CALD1: variants seen among roughly 807,000 people sequenced by gnomAD.
The protein encoded by CALD1 is caldesmon.
CALD1 carries 33 observed loss-of-function variants against 99.9 expected under a neutral mutation model. That is an observed-to-expected ratio of 0.33 (90% confidence interval 0.25 to 0.44). CALD1 has a LOEUF of 0.44. CALD1 is among the 20% of genes least tolerant of loss of function. CALD1 has a pLI of 1.00. For missense variants in CALD1, 861 were observed against 962.1 expected, an observed-to-expected ratio of 0.89 and a Z score of 1.39; for synonymous variants, 310 against 325.0, an observed-to-expected ratio of 0.95 and a Z score of 0.50.
intron 11 of CALD1, among the ~76,000 whole-genome samples, chr7:134,958,598 G>A (rs752016675): frequency 1.6e-4 from 25 of 151,560 alleles, no homozygotes; most frequent in Non-Finnish European, 3.1e-4. Flanking sequence ...TAGAGACGGA[G>A]TTTCACCCTG....
intron 3 of CALD1, among the ~76,000 whole-genome samples, chr7:134,910,583 C>T (rs1803731469): frequency 6.6e-6 from 1 of 152,026 alleles, no homozygotes; most frequent in African/African-American, 2.4e-5. Flanking sequence ...TATAGAACTG[C>T]TCTATTCATG....
intron 1 of CALD1, among the ~76,000 whole-genome samples, chr7:134,805,199 A>G (rs1333426197): frequency 2.0e-5 from 3 of 152,104 alleles, no homozygotes; most frequent in African/African-American, 7.2e-5. Context: ...TTTTGGTGAT[A>G]ATTTCCTTCT....
At chr7:134,909,924 T>C (rs980443367) in intron 3 of CALD1, among the ~76,000 whole-genome samples, 2 of 152,136 alleles carry the variant, frequency 1.3e-5, no homozygotes, top group African/African-American at 2.4e-5. Context: ...GTCAACAGTG[T>C]CAGAGCTCTC....
intron 3 of CALD1, among the ~76,000 whole-genome samples, chr7:134,874,323 G>C (rs58715694): frequency 0.25 from 37,382 of 151,874 alleles, 6,034 homozygotes; most frequent in East Asian, 0.64. Context: ...CTCTCGAGTA[G>C]GCACACGCCA....
At chr7:134,852,259 G>A (rs1406591184) in intron 2 of CALD1, among the ~76,000 whole-genome samples, 3 of 151,634 alleles carry the variant, frequency 2.0e-5, no homozygotes, top group African/African-American at 4.8e-5. Context: ...GGCACTTCAG[G>A]TTATGGGCAG....
At chr7:134,777,749 A>G (rs542012282), upstream of CALD1, among the ~76,000 whole-genome samples, 1 of 152,250 alleles carries the variant, frequency 6.6e-6, no homozygotes, top group South Asian at 2.1e-4. Context: ...CACAGACATC[A>G]CCAATTGCAG....
At chr7:134,901,120 G>T (rs1802962595) in intron 3 of CALD1, among the ~76,000 whole-genome samples, 2 of 151,764 alleles carry the variant, frequency 1.3e-5, no homozygotes, top group South Asian at 4.2e-4. Flanking sequence ...TTTTCCTGGT[G>T]GGCCTAAGCC....
At chr7:134,847,336 T>C (rs1441911031) in intron 2 of CALD1, among the ~76,000 whole-genome samples, 1 of 152,162 alleles carries the variant, frequency 6.6e-6, no homozygotes, top group Non-Finnish European at 1.5e-5. Context: ...CTTTTTATAG[T>C]AGGATCTGAA....
intron 11 of CALD1, among the ~76,000 whole-genome samples, chr7:134,958,895 A>T (rs372784412): frequency 7.1e-6 from 1 of 140,036 alleles, no homozygotes; most frequent in Non-Finnish European, 1.5e-5. Flanking sequence ...ATATATATAT[A>T]TATATATATA....
At chr7:134,929,623 T>TATACACACAC (rs1805355587) in intron 4 of CALD1, among the ~76,000 whole-genome samples, 1 of 894 alleles carries the variant, frequency 1.1e-3, no homozygotes. Context: ...TATATATACG[T>TATACACACAC]GTGTGTGTGT....
intron 1 of CALD1, among the ~76,000 whole-genome samples, chr7:134,842,208 C>T (rs972051874): frequency 1.3e-5 from 2 of 152,212 alleles, no homozygotes; most frequent in Admixed American, 1.3e-4. Flanking sequence ...ACCAAATACA[C>T]CCAGCATGGT....
At chr7:134,869,097 C>A (rs1228628297) in intron 3 of CALD1, among the ~76,000 whole-genome samples, 1 of 151,766 alleles carries the variant, frequency 6.6e-6, no homozygotes, top group African/African-American at 2.4e-5. Flanking sequence ...ACAATCATGC[C>A]AAGAGAAGGA....
At chr7:134,964,881 A>C (rs1230148965) in intron 13 of CALD1, among the ~76,000 whole-genome samples, 1 of 152,214 alleles carries the variant, frequency 6.6e-6, no homozygotes, top group East Asian at 1.9e-4. Flanking sequence ...CTATAGTTCC[A>C]GCCCATTCTC....
chr7:134,806,116 C>A (rs1266960645), intron 1 of CALD1, among the ~76,000 whole-genome samples: 1 of 152,202 alleles, frequency 6.6e-6, no homozygotes, highest in African/African-American at 2.4e-5. Flanking sequence ...GGTCAACATT[C>A]TGAGAAGTCT....
At chr7:134,825,403 T>G (rs1798948621) in intron 1 of CALD1, among the ~76,000 whole-genome samples, 1 of 152,202 alleles carries the variant, frequency 6.6e-6, no homozygotes, top group Non-Finnish European at 1.5e-5. Flanking sequence ...GATTTCCTCT[T>G]TCCAAGCATT....
intron 1 of CALD1, among the ~76,000 whole-genome samples, chr7:134,759,788 A>T (rs1796760792): frequency 6.6e-6 from 1 of 152,266 alleles, no homozygotes; most frequent in Non-Finnish European, 1.5e-5. Context: ...TGAGCCCTCA[A>T]GGAGCTTCCA....
chr7:134,713,194 C>T, the CALD1 span, among the ~76,000 whole-genome samples: 1 of 152,232 alleles, frequency 6.6e-6, no homozygotes, highest in Non-Finnish European at 1.5e-5. Flanking sequence ...TTCCTAGACA[C>T]CCTGTGGACA....
At chr7:134,941,449 C>T (rs1381230543) in intron 7 of CALD1, among the ~76,000 whole-genome samples, 1 of 152,210 alleles carries the variant, frequency 6.6e-6, no homozygotes, top group Non-Finnish European at 1.5e-5. Flanking sequence ...ATCGCTCAGA[C>T]AGGGCTTAGT....
intron 2 of CALD1, among the ~76,000 whole-genome samples, chr7:134,858,075 C>CTTTT (rs5887709): frequency 6.8e-6 from 1 of 146,778 alleles, no homozygotes; most frequent in African/African-American, 2.5e-5. Flanking sequence ...GAGTTGCTGA[C>CTTTT]TTTTTTTTTT....
Sources: allele counts gnomAD v4.1 joint callset (sites outside exome capture counted in the v4.1 genomes callset), GRCh38; gene constraint gnomAD v4.1.1; transcripts MANE v1.5; gene names NCBI Gene and HGNC (gene_info 2026-07-23, HGNC 2026-07-21).